HDAC4: variants seen among roughly 807,000 people sequenced by gnomAD.
HDAC4 encodes the protein histone deacetylase 4.
A neutral mutation model predicts 135.1 loss-of-function variants in HDAC4; 16 were observed. The observed-to-expected ratio is 0.12, with a 90% CI of 0.08 to 0.18. The LOEUF (loss-of-function observed/expected upper bound fraction) is 0.18, where lower values mean the gene tolerates loss of function less well. HDAC4 is among the 10% of genes least tolerant of loss of function. The probability of loss-of-function intolerance (pLI) is 1.00; values close to 1 mark genes in which losing one functional copy is unlikely to be tolerated. For synonymous variants in HDAC4, 685 were observed against 653.4 expected (o/e 1.05, Z -0.74); for missense variants, 1,143 against 1,511.8 (o/e 0.76, Z 4.05).
Position 239,059,857 on chromosome 2 carries a change from G to A in HDAC4, c.3004-5024C>T, listed in dbSNP as rs537577809. On this transcript the variant is annotated intron_variant, in intron 24 of 26. Coordinates refer to ENST00000543185, the MANE Select transcript of HDAC4 (RefSeq NM_001378414.1). ...AGCCTGCAGGACAGTCCTCTGGGGGGCCTTGGACCCACCTACCAGCCTGCA... is the reference window on the plus strand; with the variant it reads ...AGCCTGCAGGACAGTCCTCTGGGGGACCTTGGACCCACCTACCAGCCTGCA... Among the ~76,000 whole-genome samples, 1,421 of 151,304 alleles carry A rather than the reference G, an allele frequency of 9.4e-3. 23 individuals carry two copies. Among genetic ancestry groups the A allele is most frequent in the Non-Finnish European group, 0.01 (704 of 67,726 alleles).
At chr2:239,104,218 G>A (rs912360905) in intron 15 of HDAC4, among the ~76,000 whole-genome samples, 2 of 152,112 alleles carry the variant, frequency 1.3e-5, no homozygotes, top group South Asian at 2.1e-4. Context: ...GGCTGCGGGG[G>A]CTTCTAATTT....
At chr2:239,326,187 A>C (rs988290019) in intron 2 of HDAC4, among the ~76,000 whole-genome samples, 2 of 152,168 alleles carry the variant, frequency 1.3e-5, no homozygotes, top group African/African-American at 4.8e-5. Flanking sequence ...TCATCCTTAA[A>C]AGTTTTAGGA....
intron 2 of HDAC4, among the ~76,000 whole-genome samples, chr2:239,286,463 G>A (rs1426486317): frequency 6.6e-6 from 1 of 152,156 alleles, no homozygotes; most frequent in African/African-American, 2.4e-5. Context: ...AGTCCAAGGA[G>A]AGTTGAAAAC....
At chr2:239,054,977 A>G in intron 24 of HDAC4, 144 bp from the exon 25 acceptor site, 5 of 680,798 alleles carry the variant, frequency 7.3e-6, no homozygotes, top group Non-Finnish European at 1.3e-5. Flanking sequence ...AAATAACTTT[A>G]AAAAGCCAAA....
intron 2 of HDAC4, among the ~76,000 whole-genome samples, chr2:239,318,691 A>AG (rs1014695606): frequency 1.6e-4 from 24 of 152,016 alleles, no homozygotes; most frequent in Non-Finnish European, 3.1e-4. Flanking sequence ...ATTCTGAAAA[A>AG]AAAAAAAAGG....
At chr2:239,257,161 T>C (rs534625689) in intron 2 of HDAC4, among the ~76,000 whole-genome samples, 2 of 152,054 alleles carry the variant, frequency 1.3e-5, no homozygotes, top group East Asian at 3.9e-4. Context: ...AATCATCTTA[T>C]AGAAGAATTT....
chr2:239,221,330 G>T (rs542180882), intron 3 of HDAC4, among the ~76,000 whole-genome samples: 1 of 152,242 alleles, frequency 6.6e-6, no homozygotes, highest in African/African-American at 2.4e-5. Flanking sequence ...GGGAGGAGAT[G>T]GGAGCATTCT....
At chr2:239,333,628 A>G (rs1158583130) in intron 2 of HDAC4, among the ~76,000 whole-genome samples, 4 of 152,198 alleles carry the variant, frequency 2.6e-5, no homozygotes, top group Admixed American at 2.6e-4. Context: ...ACAATAAAAT[A>G]AAGAAAAAAA....
intron 1 of HDAC4, among the ~76,000 whole-genome samples, chr2:239,388,397 G>C (rs185537872): frequency 6.6e-6 from 1 of 152,212 alleles, no homozygotes; most frequent in South Asian, 2.1e-4. Context: ...CGGTCAGTGC[G>C]GCTTCCAGGA....
At chr2:239,226,181 A>T (rs1490887027) in intron 3 of HDAC4, among the ~76,000 whole-genome samples, 1 of 152,164 alleles carries the variant, frequency 6.6e-6, no homozygotes, top group African/African-American at 2.4e-5. Context: ...AAAGATAAAA[A>T]GCCCTTTAAC....
chr2:239,152,962 A>C (rs1462549935), intron 7 of HDAC4, among the ~76,000 whole-genome samples: 1 of 152,248 alleles, frequency 6.6e-6, no homozygotes, highest in East Asian at 1.9e-4. Flanking sequence ...TTAAAGGTAC[A>C]TTTCACAGAT....
intron 4 of HDAC4, among the ~76,000 whole-genome samples, chr2:239,177,177 C>A (rs771319004): frequency 6.6e-6 from 1 of 152,182 alleles, no homozygotes; most frequent in Non-Finnish European, 1.5e-5. Context: ...CACAAGAAAA[C>A]ACAGGTGAAC....
intron 22 of HDAC4, among the ~76,000 whole-genome samples, chr2:239,075,886 A>G (rs1461972779): frequency 6.6e-6 from 1 of 152,142 alleles, no homozygotes; most frequent in Non-Finnish European, 1.5e-5. Flanking sequence ...CCGGGATAGC[A>G]GGTGGGTGCT....
chr2:239,147,973 C>T (rs1177063038), intron 7 of HDAC4, among the ~76,000 whole-genome samples: 14 of 152,208 alleles, frequency 9.2e-5, no homozygotes, highest in African/African-American at 2.9e-4. Flanking sequence ...AGAGCCGGAA[C>T]GCTTTAACTC....
chr2:239,276,840 C>T (rs2050397418), intron 2 of HDAC4, among the ~76,000 whole-genome samples: 1 of 152,234 alleles, frequency 6.6e-6, no homozygotes, highest in South Asian at 2.1e-4. Context: ...GTGAAGCCAC[C>T]ACCAAGTGAT....
chr2:239,395,091 T>G (rs941229491), intron 1 of HDAC4, among the ~76,000 whole-genome samples: 2 of 152,164 alleles, frequency 1.3e-5, no homozygotes, highest in Non-Finnish European at 2.9e-5. Context: ...GGGAGGCCAT[T>G]CCAAGGAAGG....
chr2:239,383,048 G>A (rs1282794017), intron 1 of HDAC4, among the ~76,000 whole-genome samples: 4 of 152,194 alleles, frequency 2.6e-5, no homozygotes, highest in African/African-American at 4.8e-5. Flanking sequence ...CTCAAGTGAA[G>A]TGTTCATTTC....
rs1306790888 is a variant in HDAC4, at chr2:239,327,518, CT to C, written c.22+25159del. Among the ~76,000 whole-genome samples, 16 of 152,362 alleles carry C rather than the reference CT, an allele frequency of 1.1e-4. No individual in the cohort carries two copies. In the East Asian group the frequency reaches 3.1e-3, roughly 29 times the overall value. On this transcript the variant is annotated intron_variant, in intron 2 of 26. Transcript: ENST00000543185. ...AGTTAATTATCGTAGACAGCCTGGACTTTTTTTCATTCATGAAACTCCCTTA... is the reference window on the plus strand; with the variant it reads ...AGTTAATTATCGTAGACAGCCTGGACTTTTTTCATTCATGAAACTCCCTTA...
chr2:239,203,856 G>A (rs900460258), intron 3 of HDAC4, among the ~76,000 whole-genome samples: 1 of 152,166 alleles, frequency 6.6e-6, no homozygotes, highest in African/African-American at 2.4e-5. Flanking sequence ...CAATGGATTC[G>A]AGTAGGACTC....
Sources: gnomAD v4.1 joint callset for allele counts (sites outside exome capture counted in the v4.1 genomes callset) on GRCh38, gnomAD v4.1.1 for gene constraint, MANE v1.5 for transcripts, NCBI Gene and HGNC (gene_info 2026-07-23, HGNC 2026-07-21) for gene names.